SCHIP1: variants seen among roughly 807,000 people sequenced by gnomAD.
SCHIP1 encodes the protein schwannomin interacting protein 1.
SCHIP1 carries 8 observed loss-of-function variants against 29.7 expected under a neutral mutation model. The ratio of observed to expected loss-of-function variants is 0.27; its 90% CI spans 0.16 to 0.49. The LOEUF is 0.49. Ranked by LOEUF, SCHIP1 falls within the 20% of genes least tolerant of loss-of-function variation. The pLI, the probability that SCHIP1 is intolerant of heterozygous loss-of-function variation, is 0.99. For synonymous variants in SCHIP1, 76 were observed against 94.9 expected (o/e 0.80, Z 1.16); for missense variants, 193 against 294.6 (o/e 0.66, Z 2.52).
chr3:159,365,858 C>A, the SCHIP1 span, among the ~76,000 whole-genome samples: 2 of 152,124 alleles, frequency 1.3e-5, no homozygotes, highest in East Asian at 3.8e-4. Flanking sequence ...ACCCCTAAGA[C>A]CCCCTCTCTT....
At chr3:159,731,415 T>C in the SCHIP1 span, among the ~76,000 whole-genome samples, 3 of 152,232 alleles carry the variant, frequency 2.0e-5, no homozygotes, top group African/African-American at 7.2e-5. Context: ...GCTTCAGCTG[T>C]GGGCTTTAGC....
chr3:159,763,984 G>A, the SCHIP1 span: 2 of 152,422 alleles, frequency 1.3e-5, no homozygotes, highest in Admixed American at 1.3e-4. Flanking sequence ...GCCGGGGCGG[G>A]GGGTGGTCTC....
At chr3:159,635,381 G>A in the SCHIP1 span, among the ~76,000 whole-genome samples, 1 of 152,156 alleles carries the variant, frequency 6.6e-6, no homozygotes, top group African/African-American at 2.4e-5. Context: ...GTGCTTGGGA[G>A]GCCAGAAGAG....
the SCHIP1 span, among the ~76,000 whole-genome samples, chr3:159,378,073 A>G: frequency 6.6e-6 from 1 of 152,260 alleles, no homozygotes; most frequent in Non-Finnish European, 1.5e-5. Flanking sequence ...TATTCGTAAC[A>G]ATAATGAAAA....
At chr3:159,862,991 T>A (rs1714221317) in intron 1 of SCHIP1, among the ~76,000 whole-genome samples, 1 of 152,114 alleles carries the variant, frequency 6.6e-6, no homozygotes, top group Non-Finnish European at 1.5e-5. Context: ...CTAATTCCAC[T>A]TCCAGGAACT....
chr3:159,762,244 A>G, the SCHIP1 span, among the ~76,000 whole-genome samples: 1 of 152,240 alleles, frequency 6.6e-6, no homozygotes, highest in African/African-American at 2.4e-5. Context: ...CCGTTTTACA[A>G]AACAGCTGGC....
At chr3:159,292,605 A>G in the SCHIP1 span, among the ~76,000 whole-genome samples, 2 of 152,178 alleles carry the variant, frequency 1.3e-5, no homozygotes, top group Admixed American at 6.5e-5. Context: ...TCAGCATTCA[A>G]GGTAGTACAT....
chr3:159,622,009 G>A, the SCHIP1 span, among the ~76,000 whole-genome samples: 1 of 152,156 alleles, frequency 6.6e-6, no homozygotes, highest in Non-Finnish European at 1.5e-5. Context: ...AAGCCACAAG[G>A]CCCCTGGCAA....
At chr3:159,502,440 C>A in the SCHIP1 span, among the ~76,000 whole-genome samples, 3 of 152,210 alleles carry the variant, frequency 2.0e-5, no homozygotes, top group Admixed American at 2.0e-4. Flanking sequence ...TCCTACAGGG[C>A]AGACCCACAT....
the SCHIP1 span, among the ~76,000 whole-genome samples, chr3:159,786,693 G>GTGTGTGTGTGTA: frequency 6.4e-3 from 946 of 147,014 alleles, 29 homozygotes; most frequent in Admixed American, 0.045. Flanking sequence ...GTGTGTGTGT[G>GTGTGTGTGTGTA]TGTCTGCGCG....
chr3:159,780,806 G>T, the SCHIP1 span, among the ~76,000 whole-genome samples: 9,514 of 152,230 alleles, frequency 0.062, 956 homozygotes, highest in African/African-American at 0.21. Flanking sequence ...GCCCCCATAG[G>T]GATTCGACCT....
chr3:159,467,223 T>C, the SCHIP1 span, among the ~76,000 whole-genome samples: 1 of 152,064 alleles, frequency 6.6e-6, no homozygotes, highest in African/African-American at 2.4e-5. Context: ...TTTAAATGAG[T>C]ATATCACATT....
chr3:159,730,266 C>A, the SCHIP1 span, among the ~76,000 whole-genome samples: 1 of 152,066 alleles, frequency 6.6e-6, no homozygotes, highest in African/African-American at 2.4e-5. Flanking sequence ...TACCTCAATC[C>A]AAATGGGAAT....
At chr3:159,849,587 C>G (rs1216551583) in intron 1 of SCHIP1, among the ~76,000 whole-genome samples, 1 of 152,090 alleles carries the variant, frequency 6.6e-6, no homozygotes, top group Non-Finnish European at 1.5e-5. Context: ...TGTGAAAGAG[C>G]CATTTGTATG....
chr3:159,313,315 G>A, the SCHIP1 span, among the ~76,000 whole-genome samples: 1 of 152,120 alleles, frequency 6.6e-6, no homozygotes, highest in African/African-American at 2.4e-5. Context: ...TTGTTAACTG[G>A]CATATATTGG....
chr3:159,379,949 CTT>C, the SCHIP1 span, among the ~76,000 whole-genome samples: 2 of 152,292 alleles, frequency 1.3e-5, no homozygotes, highest in East Asian at 3.9e-4. Context: ...TATATTTTCT[CTT>C]TGTTTTCTAG....
the SCHIP1 span, among the ~76,000 whole-genome samples, chr3:159,513,997 G>C: frequency 6.6e-6 from 1 of 152,190 alleles, no homozygotes; most frequent in Non-Finnish European, 1.5e-5. Flanking sequence ...AGGCTATCTT[G>C]ATAGTAATTC....
At chr3:159,812,683 G>A in the SCHIP1 span, among the ~76,000 whole-genome samples, 1 of 152,158 alleles carries the variant, frequency 6.6e-6, no homozygotes, top group African/African-American at 2.4e-5. Flanking sequence ...ACTTGGATTT[G>A]TATAAGTGTT....
At chr3:159,509,238 C>G in the SCHIP1 span, among the ~76,000 whole-genome samples, 1 of 152,218 alleles carries the variant, frequency 6.6e-6, no homozygotes, top group South Asian at 2.1e-4. Context: ...TTCTTTGTCT[C>G]TTTTGATCTT....
Sources: gnomAD v4.1 joint callset for allele counts (sites outside exome capture counted in the v4.1 genomes callset) on GRCh38, gnomAD v4.1.1 for gene constraint, MANE v1.5 for transcripts, NCBI Gene and HGNC (gene_info 2026-07-23, HGNC 2026-07-21) for gene names.